The following SPATA17 variants were observed in gnomAD, a reference collection of about 807,000 sequenced individuals.
SPATA17 encodes the protein spermatogenesis associated 17, also known as spermatogenesis-associated protein 17.
SPATA17 carries 53 observed loss-of-function variants against 62.2 expected under a neutral mutation model. The observed-to-expected ratio is 0.85, with a 90% CI of 0.68 to 1.07. SPATA17 has a LOEUF of 1.07. Among genes scored for constraint, SPATA17 ranks in the 50% least tolerant of loss-of-function variants. SPATA17 has a pLI of 0.00. For missense variants in SPATA17, 466 were observed against 425.5 expected (o/e 1.10, Z -0.84); for synonymous variants, 146 against 146.8 (o/e 0.99, Z 0.04).
chr1:217,860,072 G>A, intron 9 of SPATA17, among the ~76,000 whole-genome samples: 1 of 152,040 alleles, frequency 6.6e-6, no homozygotes, highest in South Asian at 2.1e-4. Flanking sequence ...TGCTTTTGCT[G>A]CATCTCACAA....
In SPATA17 at chr1:217,809,829, C is replaced by T. The variant is rs528335440; in HGVS notation, c.1005+7979C>T. Reference sequence around the variant, plus strand: ...CATAAAATTCAGCAATCAACCTGTTCTAAGCACATGCTTTTAACTGATATG... The same window carrying T: ...CATAAAATTCAGCAATCAACCTGTTTTAAGCACATGCTTTTAACTGATATG... On this transcript the variant is annotated intron_variant, in intron 9 of 10. Transcript: ENST00000366933. 5.3e-5 allele frequency among the ~76,000 whole-genome samples: 8 copies of T among 152,304 alleles called. 2 individuals are homozygous for T. The South Asian group carries it at 1.0e-3, about 20-fold the overall frequency.
chr1:217,831,363 T>C (rs945547717), intron 9 of SPATA17, among the ~76,000 whole-genome samples: 2 of 152,044 alleles, frequency 1.3e-5, no homozygotes, highest in African/African-American at 4.8e-5. Context: ...CGTTCACTCT[T>C]AATATGCTCA....
intron 5 of SPATA17, among the ~76,000 whole-genome samples, chr1:217,688,784 G>C (rs995638170): frequency 6.6e-6 from 1 of 152,220 alleles, no homozygotes; most frequent in Admixed American, 6.5e-5. Context: ...CTGTCTTATG[G>C]TATTATAATT....
chr1:217,749,705 A>T (rs1672853945), intron 6 of SPATA17, among the ~76,000 whole-genome samples: 1 of 151,678 alleles, frequency 6.6e-6, no homozygotes, highest in African/African-American at 2.4e-5. Flanking sequence ...CAATATATTT[A>T]CCACCATCAG....
chr1:217,780,722 G>A (rs1673710041), intron 7 of SPATA17, among the ~76,000 whole-genome samples: 1 of 151,942 alleles, frequency 6.6e-6, no homozygotes, highest in Admixed American at 6.6e-5. Context: ...TAATTATGAT[G>A]GTAATAACAA....
chr1:217,854,358 T>C (rs2103013404), intron 9 of SPATA17, among the ~76,000 whole-genome samples: 1 of 152,270 alleles, frequency 6.6e-6, no homozygotes, highest in East Asian at 1.9e-4. Context: ...CTGTGAATAG[T>C]GAGGATCTCC....
At chr1:217,774,154 G>T (rs1391272782) in intron 6 of SPATA17, among the ~76,000 whole-genome samples, 180 bp from the exon 7 acceptor site, 3 of 152,148 alleles carry the variant, frequency 2.0e-5, no homozygotes, top group East Asian at 1.9e-4. Flanking sequence ...CTAGAGTAAG[G>T]ACAAGTATGA....
At chr1:217,841,955 A>G (rs1394731392) in intron 9 of SPATA17, among the ~76,000 whole-genome samples, 21 of 151,756 alleles carry the variant, frequency 1.4e-4, no homozygotes. Flanking sequence ...TCAATTAAGT[A>G]TAATGTTTTA....
intron 5 of SPATA17, among the ~76,000 whole-genome samples, chr1:217,713,705 G>A (rs1431929632): frequency 6.6e-6 from 1 of 152,170 alleles, no homozygotes; most frequent in African/African-American, 2.4e-5. Flanking sequence ...CATTCTCTGT[G>A]TGTATGTGTT....
At chr1:217,690,937 C>A (rs1186063747) in intron 5 of SPATA17, among the ~76,000 whole-genome samples, 1 of 146,446 alleles carries the variant, frequency 6.8e-6, no homozygotes, top group Non-Finnish European at 1.5e-5. Flanking sequence ...GTGAATAATG[C>A]CGCAATAAAC....
At chr1:217,698,178 C>G (rs982171687) in intron 5 of SPATA17, among the ~76,000 whole-genome samples, 1 of 152,094 alleles carries the variant, frequency 6.6e-6, no homozygotes, top group Non-Finnish European at 1.5e-5. Context: ...GTGGCTCACA[C>G]CTGTAATCTC....
At chr1:217,830,871 C>T (rs114983764) in intron 9 of SPATA17, among the ~76,000 whole-genome samples, 1,610 of 152,060 alleles carry the variant, frequency 0.011, 33 homozygotes, top group African/African-American at 0.037. Context: ...ATGTGAATTG[C>T]CAAATGACTA....
intron 5 of SPATA17, among the ~76,000 whole-genome samples, chr1:217,694,636 G>T (rs1671414423): frequency 6.7e-6 from 1 of 149,828 alleles, no homozygotes; most frequent in Admixed American, 6.7e-5. Context: ...GGTACCGGTT[G>T]TTCCTTTCCA....
At chr1:217,641,497 T>C (rs1302962723) in intron 1 of SPATA17, among the ~76,000 whole-genome samples, 2 of 152,086 alleles carry the variant, frequency 1.3e-5, no homozygotes, top group African/African-American at 4.8e-5. Context: ...ATTTAAAATA[T>C]GCTTAAGGAC....
chr1:217,661,442 T>G (rs1170846655), intron 3 of SPATA17, among the ~76,000 whole-genome samples: 1 of 152,142 alleles, frequency 6.6e-6, no homozygotes, highest in East Asian at 1.9e-4. Flanking sequence ...TATCCAGCTT[T>G]TAAATAATTC....
intron 5 of SPATA17, among the ~76,000 whole-genome samples, chr1:217,701,042 T>G (rs1671584107): frequency 6.6e-6 from 1 of 152,132 alleles, no homozygotes; most frequent in African/African-American, 2.4e-5. Flanking sequence ...TGGTGTGATC[T>G]CAGCTTATTA....
At chr1:217,812,965 T>C (rs891633927) in intron 9 of SPATA17, among the ~76,000 whole-genome samples, 2 of 152,210 alleles carry the variant, frequency 1.3e-5, no homozygotes, top group Non-Finnish European at 1.5e-5. Context: ...TACGTCTTAT[T>C]ACAGGTGAAT....
intron 9 of SPATA17, among the ~76,000 whole-genome samples, chr1:217,822,855 G>C (rs1286067904): frequency 6.6e-6 from 1 of 151,064 alleles, no homozygotes; most frequent in African/African-American, 2.4e-5. Flanking sequence ...ACTGATAGTT[G>C]CTTGTTTAGT....
intron 4 of SPATA17, among the ~76,000 whole-genome samples, chr1:217,682,397 G>A (rs1216442705): frequency 6.7e-6 from 1 of 149,828 alleles, no homozygotes; most frequent in Admixed American, 6.7e-5. Flanking sequence ...TTGATGATAT[G>A]TTCTAGTAAA....
Sources: gnomAD v4.1 joint callset for allele counts (sites outside exome capture counted in the v4.1 genomes callset) on GRCh38, gnomAD v4.1.1 for gene constraint, MANE v1.5 for transcripts, NCBI Gene and HGNC (gene_info 2026-07-23, HGNC 2026-07-21) for gene names.